Variants in GALNT18 observed in about 807,000 individuals in gnomAD.
GALNT18 encodes GalNAc-transferase 18.
Under a neutral mutation model 69.5 loss-of-function variants are expected in GALNT18, and 44 were observed. The observed-to-expected ratio is 0.63, with a 90% CI of 0.50 to 0.81. The LOEUF is 0.81. Among genes scored for constraint, GALNT18 ranks in the 40% least tolerant of loss-of-function variants. The pLI is 0.00. For missense variants in GALNT18, 715 were observed against 810.0 expected (o/e 0.88, Z 1.42); for synonymous variants, 364 against 318.2 (o/e 1.14, Z -1.53).
At chr11:11,351,797 T>A (rs971236940) in intron 6 of GALNT18, 24 of 757,108 alleles carry the variant, frequency 3.2e-5, no homozygotes, top group Non-Finnish European at 4.4e-5. Context: ...AATTTTTTTT[T>A]ATGACTGAAC....
chr11:11,276,439 G>A (rs1848949099), intron 10 of GALNT18, among the ~76,000 whole-genome samples: 1 of 152,152 alleles, frequency 6.6e-6, no homozygotes, highest in Admixed American at 6.5e-5. Context: ...CTGAGACAAT[G>A]GGGTTTTCTA....
intron 1 of GALNT18, among the ~76,000 whole-genome samples, chr11:11,566,020 T>A (rs1192270176): frequency 6.6e-6 from 1 of 152,168 alleles, no homozygotes; most frequent in African/African-American, 2.4e-5. Context: ...TGATGAGAGA[T>A]ATGGATGGAG....
intron 1 of GALNT18, among the ~76,000 whole-genome samples, chr11:11,471,259 G>C (rs181688076): frequency 6.6e-6 from 1 of 152,126 alleles, no homozygotes; most frequent in African/African-American, 2.4e-5. Flanking sequence ...AGAACATGGC[G>C]TCGGGCTCAG....
At chr11:11,275,308 T>C (rs938187662) in intron 10 of GALNT18, among the ~76,000 whole-genome samples, 11 of 151,132 alleles carry the variant, frequency 7.3e-5, no homozygotes, top group African/African-American at 2.7e-4. Flanking sequence ...ATAATGACCA[T>C]TTTTTCATGT....
intron 1 of GALNT18, among the ~76,000 whole-genome samples, chr11:11,533,097 TC>T (rs1857691277): frequency 6.6e-6 from 1 of 151,998 alleles, no homozygotes; most frequent in African/African-American, 2.4e-5. Flanking sequence ...TCCATGTTAC[TC>T]CCCAGCCCTT....
intron 1 of GALNT18, among the ~76,000 whole-genome samples, chr11:11,464,671 A>C (rs931311084): frequency 6.6e-6 from 1 of 152,232 alleles, no homozygotes; most frequent in Non-Finnish European, 1.5e-5. Context: ...ATTAATATGC[A>C]TCAAGATACA....
At chr11:11,334,835 C>T (rs1431809972) in intron 7 of GALNT18, among the ~76,000 whole-genome samples, 1 of 152,186 alleles carries the variant, frequency 6.6e-6, no homozygotes, top group African/African-American at 2.4e-5. Context: ...TCTGTGCCCC[C>T]AGGCCTAGCA....
rs1001598786 is a variant in GALNT18, at chr11:11,621,836, A to G, written c.-243T>C. On this transcript the variant is annotated 5_prime_UTR_variant, in exon 1 of 11. Transcript: ENST00000227756. The surrounding 1 kb of genome is among the most constrained non-coding windows in gnomAD (Gnocchi z 9.3). ...AACCAGGTGGATTTTTTTCCAAATT[A>G]AAAATCCCTGAACCCTTCCTAGAGG... The G allele has an allele frequency of 1.5e-4, 81 of 547,668 alleles. No homozygotes were observed. The highest frequency in any genetic ancestry group is 2.3e-4 in the Non-Finnish European group (69 of 306,610). 33.9% of individuals were successfully genotyped at this position (547,668 alleles called of 1,614,324 possible).
intron 9 of GALNT18, among the ~76,000 whole-genome samples, chr11:11,310,926 A>T (rs1849661365): frequency 6.6e-6 from 1 of 152,196 alleles, no homozygotes; most frequent in African/African-American, 2.4e-5. Flanking sequence ...AGTTGCCCTG[A>T]TATAAACATT....
intron 3 of GALNT18, among the ~76,000 whole-genome samples, chr11:11,417,242 A>G (rs1260394516): frequency 7.9e-5 from 12 of 152,226 alleles, no homozygotes; most frequent in Admixed American, 5.9e-4. Flanking sequence ...CATATAGCCA[A>G]CGATGATGCC....
intron 9 of GALNT18, among the ~76,000 whole-genome samples, chr11:11,295,312 C>T (rs892035116): frequency 6.6e-6 from 1 of 152,126 alleles, no homozygotes; most frequent in Non-Finnish European, 1.5e-5. Flanking sequence ...GTAATAAAGG[C>T]ACCATTTTCA....
At chr11:11,566,782 CA>C (rs1333436398) in intron 1 of GALNT18, among the ~76,000 whole-genome samples, 3 of 152,182 alleles carry the variant, frequency 2.0e-5, no homozygotes, top group African/African-American at 2.4e-5. Context: ...TTCAGAGGAA[CA>C]AAAGGTCCTG....
intron 2 of GALNT18, among the ~76,000 whole-genome samples, chr11:11,438,631 C>A (rs1257270935): frequency 6.6e-6 from 1 of 152,194 alleles, no homozygotes. Flanking sequence ...AGCTTGTCTT[C>A]ATAACCCTGC....
intron 9 of GALNT18, among the ~76,000 whole-genome samples, chr11:11,298,262 G>T (rs1185318364): frequency 1.1e-4 from 16 of 152,262 alleles, no homozygotes; most frequent in Non-Finnish European, 8.8e-5. Context: ...GGAAGGAAGA[G>T]AAGAAAACAC....
intron 1 of GALNT18, among the ~76,000 whole-genome samples, chr11:11,481,063 T>C (rs1856517083): frequency 6.6e-6 from 1 of 152,112 alleles, no homozygotes; most frequent in South Asian, 2.1e-4. Flanking sequence ...TGGAATTTGC[T>C]CAAACTGCTT....
In GALNT18 at chr11:11,320,855, C is replaced by T. The variant is rs377386315; in HGVS notation, c.1512+6231G>A. 2.6e-5 allele frequency among the ~76,000 whole-genome samples: 4 copies of T among 152,156 alleles called. No individual in the cohort carries two copies. The highest frequency in any genetic ancestry group is 5.9e-5 in the Non-Finnish European group (4 of 68,018). On this transcript the variant is annotated intron_variant, in intron 9 of 10. Coordinates refer to ENST00000227756, the MANE Select transcript of GALNT18 (RefSeq NM_198516.3). The surrounding 1 kb of genome is among the most constrained non-coding windows in gnomAD (Gnocchi z 4.9). ...TCCTGCCACAGCAGCATCCCTACCC[C>T]TTCCTGGGAAATGTGTGTAATCTGA...
chr11:11,366,009 G>A lies in GALNT18; in HGVS notation c.1092+6506C>T, dbSNP rs77035268. 8.1e-4 allele frequency among the ~76,000 whole-genome samples: 124 copies of A among 152,252 alleles called. 1 individual carries two copies. The East Asian group carries it at 0.021, about 26-fold the overall frequency. On this transcript the variant is annotated intron_variant, in intron 6 of 10. Coordinates refer to ENST00000227756, the MANE Select transcript of GALNT18 (RefSeq NM_198516.3). ...ACTTCCAATCTTTGTGAATGTCACCGAAACCCAAGCAACAGTGCCCAGTAC... is the reference window on the plus strand; with the variant it reads ...ACTTCCAATCTTTGTGAATGTCACCAAAACCCAAGCAACAGTGCCCAGTAC...
intron 3 of GALNT18, among the ~76,000 whole-genome samples, chr11:11,426,620 GGAA>G (rs1274808737): frequency 1.3e-5 from 2 of 152,210 alleles, no homozygotes; most frequent in African/African-American, 2.4e-5. Flanking sequence ...ACTGGGGGAG[GGAA>G]ATGTGCAAAT....
At position 11,454,516 on chromosome 11, in the gene GALNT18, C is replaced by CTT. The variant is rs1554937452; in HGVS notation, c.236-5581_236-5580insAA. On this transcript the variant is annotated intron_variant, in intron 1 of 10. Coordinates refer to ENST00000227756, the MANE Select transcript of GALNT18 (RefSeq NM_198516.3). This position sits in a 1 kb window ranked among gnomAD's most constrained non-coding sequence, Gnocchi z 4.2. ...CTGTGTCTTCTTCTTGCCTCTCTCT[C>CTT]TCTCTCTCTTTCAAATCTCACCAAG... is the stretch of plus-strand genomic sequence containing the variant. Among the ~76,000 whole-genome samples the CTT allele has an allele frequency of 6.6e-6, 1 of 151,964 alleles. No homozygotes were observed. Among genetic ancestry groups the CTT allele is most frequent in the Non-Finnish European group, 1.5e-5 (1 of 67,972 alleles).
Sources: allele counts gnomAD v4.1 joint callset (sites outside exome capture counted in the v4.1 genomes callset), GRCh38; gene constraint gnomAD v4.1.1; non-coding constraint Gnocchi (gnomAD v3.1); transcripts MANE v1.5; gene names NCBI Gene and HGNC (gene_info 2026-07-23, HGNC 2026-07-21).